Variants in LRP1B observed in about 807,000 individuals in gnomAD.
The protein encoded by LRP1B is LDL receptor related protein 1B.
LRP1B carries 217 observed loss-of-function variants against 556.6 expected under a neutral mutation model. The ratio of observed to expected loss-of-function variants is 0.39; its 90% CI spans 0.35 to 0.44. The LOEUF (loss-of-function observed/expected upper bound fraction) is 0.44, where lower values mean the gene tolerates loss of function less well. LRP1B is among the 20% of genes least tolerant of loss of function. The probability of loss-of-function intolerance (pLI) is 1.00; values close to 1 mark genes in which losing one functional copy is unlikely to be tolerated. For missense variants in LRP1B, 5,053 were observed against 5,620.8 expected, an observed-to-expected ratio of 0.90 and a Z score of 3.23; for synonymous variants, 2,047 against 1,865.8, an observed-to-expected ratio of 1.10 and a Z score of -2.50.
At chr2:140,802,751 G>T (rs1178370893) in intron 32 of LRP1B, among the ~76,000 whole-genome samples, 1 of 151,952 alleles carries the variant, frequency 6.6e-6, no homozygotes, top group East Asian at 1.9e-4. Context: ...TACAGTCAGG[G>T]CATTACATTT....
intron 1 of LRP1B, among the ~76,000 whole-genome samples, chr2:141,848,219 G>T (rs551501114): frequency 1.3e-5 from 2 of 151,624 alleles, no homozygotes; most frequent in African/African-American, 4.8e-5. Context: ...ATTCTGAAAC[G>T]CAGTATTTTT....
chr2:141,099,855 A>G (rs1700415260), intron 7 of LRP1B, among the ~76,000 whole-genome samples: 1 of 152,118 alleles, frequency 6.6e-6, no homozygotes, highest in Non-Finnish European at 1.5e-5. Context: ...TGTATTTTCT[A>G]TAGTTTTTAA....
intron 51 of LRP1B, among the ~76,000 whole-genome samples, chr2:140,511,514 A>G (rs905459971): frequency 1.1e-4 from 17 of 151,812 alleles, no homozygotes; most frequent in African/African-American, 2.7e-4. Context: ...TGTTAGCCAG[A>G]ATGGTCTCAA....
At position 141,802,551 on chromosome 2, in the gene LRP1B, C is replaced by G. The variant is rs150862272; in HGVS notation, c.205+7728G>C. Among the ~76,000 whole-genome samples, 805 of 152,108 alleles carry G rather than the reference C, an allele frequency of 5.3e-3. 8 individuals are homozygous for G. Among genetic ancestry groups the G allele is most frequent in the African/African-American group, 0.019 (776 of 41,520 alleles). On this transcript the variant is annotated intron_variant, in intron 2 of 90. Coordinates refer to ENST00000389484, the MANE Select transcript of LRP1B (RefSeq NM_018557.3). ...TTAATAAACTGATGAGATGCTTTGT[C>G]CTACTGAAAATTCCATAGGCAGAGA...
At chr2:141,600,589 C>T (rs1018123671) in intron 2 of LRP1B, among the ~76,000 whole-genome samples, 1 of 151,850 alleles carries the variant, frequency 6.6e-6, no homozygotes, top group African/African-American at 2.4e-5. Flanking sequence ...ACCATTAGAT[C>T]CAGAGCCAAC....
intron 25 of LRP1B, among the ~76,000 whole-genome samples, chr2:140,874,976 C>G (rs1401468580): frequency 6.6e-6 from 1 of 151,538 alleles, no homozygotes. Flanking sequence ...TGAGATCGTG[C>G]CATTGCCCTA....
rs532137758 is a variant in LRP1B at position 140,546,105 on chromosome 2, A to G, written c.7195-4134T>C. ...GTTTGGTAGTTGTTAGTGTACAGGA[A>G]TCCTGGTAATTTGTGTACATTGGTT... On this transcript the variant is annotated intron_variant, in intron 43 of 90. Coordinates refer to ENST00000389484, the MANE Select transcript of LRP1B (RefSeq NM_018557.3). Among the ~76,000 whole-genome samples, 8 of 151,622 alleles carry G rather than the reference A, an allele frequency of 5.3e-5. No individual in the cohort carries two copies. The South Asian group carries it at 1.5e-3, about 28-fold the overall frequency.
intron 2 of LRP1B, among the ~76,000 whole-genome samples, chr2:141,508,524 G>C (rs540872550): frequency 6.6e-6 from 1 of 152,234 alleles, no homozygotes; most frequent in South Asian, 2.1e-4. Flanking sequence ...AGAAAAAGCT[G>C]CTTCAAATCT....
At chr2:140,414,077 C>T (rs1685077575) in intron 66 of LRP1B, among the ~76,000 whole-genome samples, 1 of 151,998 alleles carries the variant, frequency 6.6e-6, no homozygotes, top group Admixed American at 6.6e-5. Context: ...GCACCATGTC[C>T]AGTTACTGGT....
chr2:141,240,562 C>T (rs945205301), intron 5 of LRP1B, among the ~76,000 whole-genome samples: 1 of 151,804 alleles, frequency 6.6e-6, no homozygotes, highest in Non-Finnish European at 1.5e-5. Context: ...TTTTTATTTT[C>T]ATTAAAATAT....
chr2:141,980,062 T>C (rs908751757), intron 1 of LRP1B, among the ~76,000 whole-genome samples: 3 of 152,150 alleles, frequency 2.0e-5, no homozygotes, highest in African/African-American at 7.2e-5. Context: ...TTGAATATCC[T>C]AAATTACTCT....
intron 7 of LRP1B, among the ~76,000 whole-genome samples, chr2:141,166,988 A>C (rs1680295460): frequency 6.6e-6 from 1 of 152,116 alleles, no homozygotes; most frequent in South Asian, 2.1e-4. Flanking sequence ...CTTCAGAAAC[A>C]CTAATTCTGT....
intron 3 of LRP1B, among the ~76,000 whole-genome samples, chr2:141,312,117 G>T (rs1234837581): frequency 6.6e-6 from 1 of 152,154 alleles, no homozygotes; most frequent in Non-Finnish European, 1.5e-5. Flanking sequence ...ACCATACAAA[G>T]ATTTTGTTTT....
At position 140,444,256 on chromosome 2, in the gene LRP1B, A is replaced by C. The variant is rs1686555010; in HGVS notation, c.10294+74T>G. Reference sequence around the variant, plus strand: ...TTATCTACATCATATGAATTTATGAAGTATAGTACTAATTTTTAGACTTAT... The same window carrying C: ...TTATCTACATCATATGAATTTATGACGTATAGTACTAATTTTTAGACTTAT... On this transcript the variant is annotated intron_variant, in intron 65 of 90. Coordinates refer to ENST00000389484, the MANE Select transcript of LRP1B (RefSeq NM_018557.3). The C allele has an allele frequency of 3.5e-6, 5 of 1,445,368 alleles. No individual in the cohort carries two copies. The African/African-American group carries it at 5.6e-5, about 16-fold the overall frequency. 89.5% of individuals were successfully genotyped at this position (1,445,368 alleles called of 1,614,324 possible). A position where few individuals can be genotyped will look rare whatever the true frequency, so the allele number is the denominator to read the frequency against.
At chr2:140,796,007 A>G (rs536895624) in intron 32 of LRP1B, among the ~76,000 whole-genome samples, 1 of 152,156 alleles carries the variant, frequency 6.6e-6, no homozygotes, top group Admixed American at 6.5e-5. Context: ...TTTTTTAAAT[A>G]AAGAAGAGAC....
At chr2:141,719,782 T>A (rs903354999) in intron 2 of LRP1B, among the ~76,000 whole-genome samples, 6 of 152,048 alleles carry the variant, frequency 3.9e-5, no homozygotes. Context: ...AACCAAATAC[T>A]GCATATTTTC....
intron 41 of LRP1B, among the ~76,000 whole-genome samples, chr2:140,604,997 T>A (rs1228362025): frequency 6.6e-6 from 1 of 152,090 alleles, no homozygotes; most frequent in Non-Finnish European, 1.5e-5. Flanking sequence ...AACTTCCTTT[T>A]CTCTATAAAT....
At chr2:140,327,977 A>T (rs1680581315) in intron 79 of LRP1B, among the ~76,000 whole-genome samples, 1 of 152,080 alleles carries the variant, frequency 6.6e-6, no homozygotes, top group South Asian at 2.1e-4. Flanking sequence ...TTAATAAAAG[A>T]GATAGTCTTC....
At chr2:141,213,760 A>T (rs2105259127) in intron 6 of LRP1B, among the ~76,000 whole-genome samples, 1 of 152,360 alleles carries the variant, frequency 6.6e-6, no homozygotes, top group Non-Finnish European at 1.5e-5. Flanking sequence ...AATACAAAGT[A>T]AATACTATAA....
Sources: allele counts gnomAD v4.1 joint callset (sites outside exome capture counted in the v4.1 genomes callset), GRCh38; gene constraint gnomAD v4.1.1; transcripts MANE v1.5; gene names NCBI Gene and HGNC (gene_info 2026-07-23, HGNC 2026-07-21).